ATCAY: variants seen among roughly 807,000 people sequenced by gnomAD.
The protein encoded by ATCAY is ATCAY kinesin light chain interacting caytaxin.
In ATCAY, 22 loss-of-function variants were observed where a neutral mutation model predicts 47.7. The observed-to-expected ratio is 0.46, with a 90% CI of 0.33 to 0.66. The LOEUF is 0.66. Among genes scored for constraint, ATCAY ranks in the 30% least tolerant of loss-of-function variants. ATCAY has a pLI of 0.02. For synonymous variants in ATCAY, 216 were observed against 207.6 expected (o/e 1.04, Z -0.35); for missense variants, 452 against 515.0 (o/e 0.88, Z 1.18).
chr19:3,899,779 C>T (rs956570029), intron 2 of ATCAY, among the ~76,000 whole-genome samples: 6 of 152,122 alleles, frequency 3.9e-5, no homozygotes, highest in Admixed American at 6.6e-5. Context: ...CTGGCAGCCC[C>T]GTGCAAAATG....
intron 6 of ATCAY, among the ~76,000 whole-genome samples, chr19:3,908,810 CTCA>C (rs1011836111): frequency 1.3e-5 from 1 of 74,990 alleles, no homozygotes; most frequent in Non-Finnish European, 3.0e-5. Flanking sequence ...CTTTCTCCAC[CTCA>C]TCCTCTTTCT....
rs2038879696 is a variant in ATCAY, at chr19:3,907,971, C to G, written c.544+52C>G. ...TGGGGCTCCAGCCCGGCCCACTGGG[C>G]AACAGGGGGTTCGTCAGTGCCCCTC... is the stretch of plus-strand genomic sequence containing the variant. On this transcript the variant is annotated intron_variant, in intron 5 of 12. Transcript: ENST00000450849. The surrounding 1 kb of genome is among the most constrained non-coding windows in gnomAD (Gnocchi z 5.1). The G allele has an allele frequency of 2.5e-6, 4 of 1,579,730 alleles. No homozygotes were observed. Among genetic ancestry groups the G allele is most frequent in the Non-Finnish European group, 3.4e-6 (4 of 1,160,802 alleles).
intron 6 of ATCAY, among the ~76,000 whole-genome samples, chr19:3,908,624 GTCC>G (rs144785071): frequency 0.022 from 2,146 of 98,318 alleles, 29 homozygotes; most frequent in African/African-American, 0.039. Context: ...CCTCCTCACT[GTCC>G]TCCTCCTCCT....
chr19:3,900,345 G>A (rs552585604), intron 2 of ATCAY, among the ~76,000 whole-genome samples: 24 of 150,444 alleles, frequency 1.6e-4, no homozygotes, highest in Middle Eastern at 3.6e-3. Context: ...GCACCACCAC[G>A]TCCAGCTAAT....
intron 2 of ATCAY, among the ~76,000 whole-genome samples, chr19:3,892,946 C>T (rs2038731302): frequency 1.3e-5 from 2 of 152,196 alleles, no homozygotes; most frequent in East Asian, 3.9e-4. Flanking sequence ...CCGATAATGT[C>T]CCATGTCCCT....
At chr19:3,915,282 C>G (rs1328398455) in intron 9 of ATCAY, among the ~76,000 whole-genome samples, 2 of 151,714 alleles carry the variant, frequency 1.3e-5, no homozygotes, top group Admixed American at 1.3e-4. Flanking sequence ...AAGCGATTCT[C>G]CTGCCTCAGC....
At chr19:3,921,433 A>G (rs1367590647) in intron 12 of ATCAY, among the ~76,000 whole-genome samples, 1 of 151,676 alleles carries the variant, frequency 6.6e-6, no homozygotes, top group African/African-American at 2.4e-5. Context: ...TTGTCTCAAA[A>G]AAAGAAAAAA....
chr19:3,905,856 G>C (rs112315513), intron 4 of ATCAY, among the ~76,000 whole-genome samples: 6,070 of 151,992 alleles, frequency 0.04, 243 homozygotes, highest in South Asian at 0.19. Flanking sequence ...GTGAGACCCT[G>C]TCTCAAAAAT....
At position 3,905,528 on chromosome 19, in the gene ATCAY, G is replaced by C; in HGVS notation, c.231G>C (p.Gly77=). Residue 77 remains glycine, a synonymous_variant, in exon 4 of 13, where the codon GGG becomes GGC. Transcript: ENST00000450849. ...EINISLDQSE[G]SLLSDDFLDT... ...ACATTTCTCTGGATCAGAGTGAGGG[G>C]TCCCTGCTGTCCGATGACTTCTTGG... is the stretch of plus-strand genomic sequence containing the variant. 1 of 1,613,950 alleles carries C rather than the reference G, an allele frequency of 6.2e-7. No individual in the cohort carries two copies. Among genetic ancestry groups the C allele is most frequent in the Non-Finnish European group, 8.5e-7 (1 of 1,179,872 alleles).
At chr19:3,885,086 G>C (rs1455764335) in intron 1 of ATCAY, among the ~76,000 whole-genome samples, 1 of 118,920 alleles carries the variant, frequency 8.4e-6, no homozygotes, top group Non-Finnish European at 1.6e-5. Context: ...CCAGGCAACA[G>C]AGCAAGATCA....
chr19:3,910,673 T>C, intron 7 of ATCAY, 130 bp from the exon 8 acceptor site: 1 of 870,476 alleles, frequency 1.1e-6, no homozygotes, highest in Non-Finnish European at 1.9e-6. Flanking sequence ...ATTTGACAGG[T>C]ACCTGGAGAC....
At chr19:3,923,968 GTGGA>G (rs58091636) in intron 12 of ATCAY, among the ~76,000 whole-genome samples, 88,296 of 123,492 alleles carry the variant, frequency 0.71, 31,262 homozygotes, top group East Asian at 0.95. Flanking sequence ...GAGTGGGTGG[GTGGA>G]TGGATGGATG....
chr19:3,918,996 G>A, intron 11 of ATCAY, 119 bp downstream of exon 11: 2 of 1,240,536 alleles, frequency 1.6e-6, no homozygotes, highest in South Asian at 1.3e-5. Flanking sequence ...GGAACTAAGT[G>A]GCCGGCCATG....
At chr19:3,923,605 A>G (rs1467227598) in intron 12 of ATCAY, among the ~76,000 whole-genome samples, 1 of 148,000 alleles carries the variant, frequency 6.8e-6, no homozygotes, top group African/African-American at 2.5e-5. Flanking sequence ...GTGTGGATGG[A>G]TGAGTGGATG....
At chr19:3,892,575 T>G (rs1397620403) in intron 2 of ATCAY, among the ~76,000 whole-genome samples, 1 of 152,130 alleles carries the variant, frequency 6.6e-6, no homozygotes. Context: ...TTTAGTAGGA[T>G]TATACAATTG....
intron 2 of ATCAY, among the ~76,000 whole-genome samples, chr19:3,888,566 G>T (rs867813260): frequency 1.1e-4 from 16 of 152,202 alleles, no homozygotes; most frequent in Admixed American, 2.0e-4. Context: ...GGAGGCGAAG[G>T]TTGCAGTGAG....
At chr19:3,884,354 CCA>C (rs1267278871) in intron 1 of ATCAY, among the ~76,000 whole-genome samples, 1 of 151,984 alleles carries the variant, frequency 6.6e-6, no homozygotes, top group African/African-American at 2.4e-5. Context: ...CTTTCTAACC[CCA>C]GTCTCTTTCC....
At chr19:3,881,698 G>A (rs1314226496) in intron 1 of ATCAY, among the ~76,000 whole-genome samples, 1 of 151,018 alleles carries the variant, frequency 6.6e-6, no homozygotes, top group Non-Finnish European at 1.5e-5. Context: ...CTGGCAGGGG[G>A]TGGGGGTCGG....
At chr19:3,906,864 G>A (rs907753097) in intron 4 of ATCAY, among the ~76,000 whole-genome samples, 3 of 152,020 alleles carry the variant, frequency 2.0e-5, no homozygotes, top group South Asian at 2.1e-4. Context: ...AAGGCCAGGC[G>A]CAGTGACTCA....
Sources: allele counts gnomAD v4.1 joint callset (sites outside exome capture counted in the v4.1 genomes callset), GRCh38; gene constraint gnomAD v4.1.1; non-coding constraint Gnocchi (gnomAD v3.1); transcripts MANE v1.5; gene names NCBI Gene and HGNC (gene_info 2026-07-23, HGNC 2026-07-21).